The following LMX1A variants were observed in gnomAD, a reference collection of about 807,000 sequenced individuals.
LMX1A encodes the protein LIM homeobox transcription factor 1-alpha.
A neutral mutation model predicts 49.1 loss-of-function variants in LMX1A; 15 were observed. The observed-to-expected ratio is 0.31, with a 90% CI of 0.20 to 0.47. The LOEUF is 0.47. Among genes scored for constraint, LMX1A ranks in the 20% least tolerant of loss-of-function variants. The probability of loss-of-function intolerance (pLI) is 1.00; values close to 1 mark genes in which losing one functional copy is unlikely to be tolerated. For missense variants in LMX1A, 372 were observed against 475.8 expected (o/e 0.78, Z 2.03); for synonymous variants, 167 against 185.7 (o/e 0.90, Z 0.82).
At chr1:165,346,154 C>A (rs1656238713) in intron 3 of LMX1A, among the ~76,000 whole-genome samples, 1 of 152,168 alleles carries the variant, frequency 6.6e-6, no homozygotes, top group Admixed American at 6.5e-5. Flanking sequence ...GCACTCCAAT[C>A]CATAGTGGCC....
intron 3 of LMX1A, among the ~76,000 whole-genome samples, chr1:165,332,465 T>C (rs1042078536): frequency 6.6e-6 from 1 of 152,202 alleles, no homozygotes; most frequent in African/African-American, 2.4e-5. Context: ...TATTACACTA[T>C]ATATAACATA....
At chr1:165,320,699 A>G (rs899927212) in intron 3 of LMX1A, among the ~76,000 whole-genome samples, 1 of 152,204 alleles carries the variant, frequency 6.6e-6, no homozygotes, top group African/African-American at 2.4e-5. Context: ...TGCTCATTGC[A>G]TATCTTTCTA....
At position 165,249,441 on chromosome 1, in the gene LMX1A, G is replaced by A; in HGVS notation, c.463C>T (p.Leu155Phe). ...KGDYEKERELLSLVSPAASDS... is the reference protein window; with the variant it reads ...KGDYEKERELFSLVSPAASDS... ...GAGGCTGCTGGGCTCACCAGGCTGA[G>A]CAGCTCCCGCTCCTTCTCATAGTCC... is the stretch of plus-strand genomic sequence containing the variant. The change falls in exon 4 of 9, where the codon CTC becomes TTC. Residue 155 changes from leucine (L) to phenylalanine (F), a missense_variant. Physicochemically the swap from Leu to Phe is conservative, Grantham distance 22. Coordinates refer to ENST00000342310, the MANE Select transcript of LMX1A (RefSeq NM_177398.4). The A allele has an allele frequency of 1.2e-6, 2 of 1,614,114 alleles. No homozygotes were observed. The highest frequency in any genetic ancestry group is 2.2e-5 in the South Asian group (2 of 91,082).
chr1:165,234,965 T>C (rs1185666860), intron 4 of LMX1A, among the ~76,000 whole-genome samples: 3 of 152,166 alleles, frequency 2.0e-5, no homozygotes, highest in Non-Finnish European at 4.4e-5. Context: ...AAAGCAAGTT[T>C]TTTGAATGTC....
intron 3 of LMX1A, among the ~76,000 whole-genome samples, chr1:165,329,834 T>C (rs1263033488): frequency 6.6e-6 from 1 of 152,188 alleles, no homozygotes; most frequent in Non-Finnish European, 1.5e-5. Flanking sequence ...CAATCAAAAA[T>C]GTTATTATTA....
chr1:165,250,076 A>G lies in LMX1A; in HGVS notation c.264-436T>C, dbSNP rs1444902626. ...GGAACAACACACTCTGGGGCCTGTC[A>G]GGGGGTGGGGTGGGGGAAGGGAGAG... is the stretch of plus-strand genomic sequence containing the variant. On this transcript the variant is annotated intron_variant, in intron 3 of 8. Transcript: ENST00000342310. Among the ~76,000 whole-genome samples the G allele has an allele frequency of 4.8e-5, 7 of 144,912 alleles. No individual in the cohort carries two copies. In the East Asian group the frequency reaches 1.6e-3, roughly 33 times the overall value.
At chr1:165,309,821 A>G (rs909611089) in intron 3 of LMX1A, among the ~76,000 whole-genome samples, 2 of 152,174 alleles carry the variant, frequency 1.3e-5, no homozygotes, top group Non-Finnish European at 1.5e-5. Context: ...CAGTCACCAC[A>G]TTGTAAGGTG....
At chr1:165,288,449 A>G (rs574425495) in intron 3 of LMX1A, among the ~76,000 whole-genome samples, 114 of 152,282 alleles carry the variant, frequency 7.5e-4, no homozygotes, top group African/African-American at 2.6e-3. Context: ...GTGTGAGCGA[A>G]CAGCAGGCAG....
At chr1:165,233,915 C>T (rs551779383) in intron 4 of LMX1A, among the ~76,000 whole-genome samples, 1 of 152,234 alleles carries the variant, frequency 6.6e-6, no homozygotes, top group South Asian at 2.1e-4. Flanking sequence ...TAAGGTCTGC[C>T]TTTGTTCAAA....
rs1650873742 is a variant in LMX1A, at chr1:165,202,200, T to A, written c.*1680A>T. ...GTCCCCAGAAATGAGGCCAAGCCTATCCTGGCCCCTCCTGGATGGGTCCAC... is the reference window on the plus strand; with the variant it reads ...GTCCCCAGAAATGAGGCCAAGCCTAACCTGGCCCCTCCTGGATGGGTCCAC... On this transcript the variant is annotated 3_prime_UTR_variant, in exon 9 of 9. Transcript: ENST00000342310. The A allele has an allele frequency of 6.6e-6, 1 of 152,640 alleles. No individual in the cohort carries two copies. The allele number at this position is 152,640 out of a possible 1,614,324, so 9.5% of individuals were successfully genotyped here.
intron 4 of LMX1A, among the ~76,000 whole-genome samples, chr1:165,219,698 T>C (rs1368893404): frequency 1.3e-5 from 2 of 152,240 alleles, no homozygotes; most frequent in Non-Finnish European, 2.9e-5. Flanking sequence ...AGGGAGTTTC[T>C]ACTCAGACCA....
intron 3 of LMX1A, among the ~76,000 whole-genome samples, chr1:165,254,373 G>A (rs2102642224): frequency 6.6e-6 from 1 of 152,304 alleles, no homozygotes; most frequent in South Asian, 2.1e-4. Flanking sequence ...AATGGTCATG[G>A]TCACTGGGGA....
At position 165,203,920 on chromosome 1, in the gene LMX1A, T is replaced by C; in HGVS notation, c.1109A>G (p.Asp370Gly). Reference protein sequence around the residue: ...PLQSRVGNPIDHLYSMQNSYF... With the variant: ...PLQSRVGNPIGHLYSMQNSYF... ...AGAATTCTGCATGGAGTACAGATGG[T>C]CAATGGGGTTTCCCACTCTGGACTG... The change falls in exon 9 of 9, where the codon GAC becomes GGC. Residue 370 changes from aspartate to glycine, a missense_variant. Transcript: ENST00000342310. The C allele has an allele frequency of 6.2e-7, 1 of 1,614,078 alleles. No individual in the cohort carries two copies. Among genetic ancestry groups the C allele is most frequent in the Non-Finnish European group, 8.5e-7 (1 of 1,180,012 alleles).
At chr1:165,281,730 TTG>T (rs61207728) in intron 3 of LMX1A, among the ~76,000 whole-genome samples, 78 of 149,634 alleles carry the variant, frequency 5.2e-4, no homozygotes, top group Middle Eastern at 7.0e-3. Flanking sequence ...AGGCAATATT[TTG>T]TGTGTGTGTG....
At chr1:165,272,299 A>G (rs1015070960) in intron 3 of LMX1A, among the ~76,000 whole-genome samples, 3 of 152,226 alleles carry the variant, frequency 2.0e-5, no homozygotes, top group Non-Finnish European at 4.4e-5. Context: ...ACCATATGTT[A>G]AAGTTAATTG....
At chr1:165,322,041 A>T (rs1160492211) in intron 3 of LMX1A, among the ~76,000 whole-genome samples, 1 of 152,220 alleles carries the variant, frequency 6.6e-6, no homozygotes, top group Non-Finnish European at 1.5e-5. Context: ...TGTTCCAGAA[A>T]TAGCAAACAA....
intron 3 of LMX1A, among the ~76,000 whole-genome samples, chr1:165,278,358 C>T (rs1654036995): frequency 1.3e-5 from 2 of 152,210 alleles, no homozygotes; most frequent in African/African-American, 2.4e-5. Flanking sequence ...GACGTGCTCC[C>T]GTAGCTCAGC....
At chr1:165,213,834 T>G (rs758447195) in intron 4 of LMX1A, 21 bp from the exon 5 acceptor site, 2 of 1,612,034 alleles carry the variant, frequency 1.2e-6, no homozygotes, top group East Asian at 4.5e-5. Flanking sequence ...CAAAAGACAA[T>G]GTTGTGAGTC....
intron 5 of LMX1A, 23 bp from the exon 6 acceptor site, chr1:165,210,799 T>C (rs778003694): frequency 4.4e-6 from 7 of 1,582,712 alleles, no homozygotes; most frequent in Middle Eastern, 1.7e-4. Context: ...GAACGAGAAA[T>C]GTAGACACAC....
Sources: allele counts gnomAD v4.1 joint callset (sites outside exome capture counted in the v4.1 genomes callset), GRCh38; gene constraint gnomAD v4.1.1; transcripts MANE v1.5; gene names NCBI Gene and HGNC (gene_info 2026-07-23, HGNC 2026-07-21).